The following BRIP1 variants were observed in gnomAD, a reference collection of about 807,000 sequenced individuals.
BRIP1 encodes BRCA1 interacting DNA helicase 1.
A neutral mutation model predicts 119.7 loss-of-function variants in BRIP1; 88 were observed. The ratio of observed to expected loss-of-function variants is 0.74; its 90% CI spans 0.62 to 0.88. BRIP1 has a LOEUF of 0.88. BRIP1 is among the 40% of genes least tolerant of loss of function. The pLI, the probability that BRIP1 is intolerant of heterozygous loss-of-function variation, is 0.00. For synonymous variants in BRIP1, 443 were observed against 496.5 expected (o/e 0.89, Z 1.43); for missense variants, 1,259 against 1,455.4 (o/e 0.87, Z 2.20).
Position 61,831,901 on chromosome 17 carries a change from A to T in BRIP1, c.627+15200T>A, listed in dbSNP as rs561482100. 3.9e-5 allele frequency among the ~76,000 whole-genome samples: 6 copies of T among 152,346 alleles called. No homozygotes were observed. In the South Asian group the frequency reaches 1.0e-3, roughly 26 times the overall value. ...ACTGGATGTATTGGTATAAACACTC[A>T]TAATTTTCAGTGTACAGACAGACAG... On this transcript the variant is annotated intron_variant, in intron 6 of 19. Transcript: ENST00000259008. The surrounding 1 kb of genome is among the most constrained non-coding windows in gnomAD (Gnocchi z 4.1).
intron 14 of BRIP1, among the ~76,000 whole-genome samples, chr17:61,771,041 T>C (rs2077440594): frequency 6.6e-6 from 1 of 152,222 alleles, no homozygotes; most frequent in Admixed American, 6.5e-5. Context: ...AGACACACTT[T>C]AAATTTAGAC....
Position 61,693,772 on chromosome 17 carries a change from T to G in BRIP1, c.2493-260A>C, listed in dbSNP as rs1398281050. Reference sequence around the variant, plus strand: ...TTGCACTCAAGAAAATTATAGAAAATATATTCTAAGATCTTTCTTAGCCAC... The same window carrying G: ...TTGCACTCAAGAAAATTATAGAAAAGATATTCTAAGATCTTTCTTAGCCAC... On this transcript the variant is annotated intron_variant, in intron 17 of 19. Transcript: ENST00000259008. This position sits in a 1 kb window ranked among gnomAD's most constrained non-coding sequence, Gnocchi z 4.2. Among the ~76,000 whole-genome samples, 1 of 152,128 alleles carries G rather than the reference T, an allele frequency of 6.6e-6. No individual in the cohort carries two copies. Among genetic ancestry groups the G allele is most frequent in the Non-Finnish European group, 1.5e-5 (1 of 68,006 alleles).
rs1053485773 is a variant in BRIP1, at chr17:61,690,818, G to A, written c.2575+2612C>T. Among the ~76,000 whole-genome samples, 2 of 152,070 alleles carry A rather than the reference G, an allele frequency of 1.3e-5. No individual in the cohort carries two copies. The highest frequency in any genetic ancestry group is 4.2e-4 in the South Asian group (2 of 4,816). On this transcript the variant is annotated intron_variant, in intron 18 of 19. Coordinates refer to ENST00000259008, the MANE Select transcript of BRIP1 (RefSeq NM_032043.3). The surrounding 1 kb of genome is among the most constrained non-coding windows in gnomAD (Gnocchi z 5.6). ...CTAAAGATTGAAAAAAAACCTGTTA[G>A]GACTAATAAATCCAGTAAAGTTGCA...
In BRIP1 at chr17:61,762,044, T is replaced by C. The variant is rs935945940; in HGVS notation, c.2097+14357A>G. On this transcript the variant is annotated intron_variant, in intron 14 of 19. Coordinates refer to ENST00000259008, the MANE Select transcript of BRIP1 (RefSeq NM_032043.3). This position sits in a 1 kb window ranked among gnomAD's most constrained non-coding sequence, Gnocchi z 4.3. ...CTATAGTAATTAAAACAGCATGGTA[T>C]TGGCATAAAAAACAGCCACAGTGAC... Among the ~76,000 whole-genome samples the C allele has an allele frequency of 6.6e-6, 1 of 151,992 alleles. No individual in the cohort carries two copies. The highest frequency in any genetic ancestry group is 1.5e-5 in the Non-Finnish European group (1 of 67,948).
rs2061894686 is a variant in BRIP1, at chr17:61,717,302, A to G, written c.2380-1239T>C. ...AAGATTATCTTTTAAAATATACCGT[A>G]TTTACCCACAGATTTACCATTTCTG... is the stretch of plus-strand genomic sequence containing the variant. On this transcript the variant is annotated intron_variant, in intron 16 of 19. Coordinates refer to ENST00000259008, the MANE Select transcript of BRIP1 (RefSeq NM_032043.3). This position sits in a 1 kb window ranked among gnomAD's most constrained non-coding sequence, Gnocchi z 4.1. Among the ~76,000 whole-genome samples, 1 of 152,082 alleles carries G rather than the reference A, an allele frequency of 6.6e-6. No homozygotes were observed. Among genetic ancestry groups the G allele is most frequent in the South Asian group, 2.1e-4 (1 of 4,822 alleles).
chr17:61,724,605 T>C lies in BRIP1; in HGVS notation c.2380-8542A>G, dbSNP rs1005991506. On this transcript the variant is annotated intron_variant, in intron 16 of 19. Coordinates refer to ENST00000259008, the MANE Select transcript of BRIP1 (RefSeq NM_032043.3). The surrounding 1 kb of genome is among the most constrained non-coding windows in gnomAD (Gnocchi z 5.1). ...TTTTACTGCTGCTTCACATGAAAGA[T>C]GGTGGATTTTATCCCAACTCATACC... is the stretch of plus-strand genomic sequence containing the variant. 3.3e-5 allele frequency among the ~76,000 whole-genome samples: 5 copies of C among 152,146 alleles called. No homozygotes were observed. The highest frequency in any genetic ancestry group is 1.2e-4 in the African/African-American group (5 of 41,450).
rs2061383607 is a variant in BRIP1 at position 61,687,831 on chromosome 17, TC to T, written c.2576-1667del. Among the ~76,000 whole-genome samples the T allele has an allele frequency of 6.6e-6, 1 of 152,176 alleles. No individual in the cohort carries two copies. Among genetic ancestry groups the T allele is most frequent in the Non-Finnish European group, 1.5e-5 (1 of 68,020 alleles). Reference sequence around the variant, plus strand: ...CTTCAGAATATACCTGGCTGCTTCTTCCTGGGGAGAAAAGAGAAAACTGGAC... The same window carrying T: ...CTTCAGAATATACCTGGCTGCTTCTTCTGGGGAGAAAAGAGAAAACTGGAC... On this transcript the variant is annotated intron_variant, in intron 18 of 19. Transcript: ENST00000259008. The surrounding 1 kb of genome is among the most constrained non-coding windows in gnomAD (Gnocchi z 5.1).
rs548039809 is a variant in BRIP1, at chr17:61,700,575, C to A, written c.2493-7063G>T. On this transcript the variant is annotated intron_variant, in intron 17 of 19. Coordinates refer to ENST00000259008, the MANE Select transcript of BRIP1 (RefSeq NM_032043.3). The surrounding 1 kb of genome is among the most constrained non-coding windows in gnomAD (Gnocchi z 4.1). ...ATATGATGAGTTATTTCTCTCTTGC[C>A]GCTTTCTAGATTCTGTCTTCTGGCT... Among the ~76,000 whole-genome samples the A allele has an allele frequency of 6.6e-6, 1 of 152,000 alleles. No individual in the cohort carries two copies. Among genetic ancestry groups the A allele is most frequent in the South Asian group, 2.1e-4 (1 of 4,818 alleles).
intron 4 of BRIP1, 120 bp from the exon 5 acceptor site, chr17:61,849,376 A>G: frequency 1.2e-6 from 1 of 817,916 alleles, no homozygotes; most frequent in South Asian, 1.7e-5. Flanking sequence ...ATAATCTAAA[A>G]CATGAAACTT....
At chr17:61,723,667 CT>C (rs1386319853) in intron 16 of BRIP1, among the ~76,000 whole-genome samples, 1 of 152,144 alleles carries the variant, frequency 6.6e-6, no homozygotes, top group Non-Finnish European at 1.5e-5. Flanking sequence ...GTTAACATTA[CT>C]TTTCAAATAC....
intron 5 of BRIP1, 42 bp downstream of exon 5, chr17:61,849,087 T>C (rs768063113): frequency 6.2e-7 from 1 of 1,607,322 alleles, no homozygotes; most frequent in Non-Finnish European, 8.5e-7. Context: ...CATGTTCAGC[T>C]GTAACTAACT....
Position 61,683,037 on chromosome 17 carries a change from CA to C in BRIP1, c.*258del. Reference sequence around the variant, plus strand: ...GTCCCAGCTACTCAGAAGGCTGAGGCAGGAGAATCACTTGAACCTGGAGGTG... The same window carrying C: ...GTCCCAGCTACTCAGAAGGCTGAGGCGGAGAATCACTTGAACCTGGAGGTG... On this transcript the variant is annotated 3_prime_UTR_variant, in exon 20 of 20. Transcript: ENST00000259008. The surrounding 1 kb of genome is among the most constrained non-coding windows in gnomAD (Gnocchi z 4.7). The C allele has an allele frequency of 2.3e-6, 1 of 427,202 alleles. No individual in the cohort carries two copies. Among genetic ancestry groups the C allele is most frequent in the Non-Finnish European group, 4.2e-6 (1 of 237,064 alleles). 26.5% of individuals were successfully genotyped at this position (427,202 alleles called of 1,614,324 possible).
intron 19 of BRIP1, chr17:61,685,018 T>A (rs1378563168): frequency 6.6e-6 from 1 of 152,154 alleles, no homozygotes; most frequent in Non-Finnish European, 1.5e-5. Context: ...GATATATGAA[T>A]TAAAACAACT....
rs542936626 is a variant in BRIP1 at position 61,704,762 on chromosome 17, G to A, written c.2492+11189C>T. On this transcript the variant is annotated intron_variant, in intron 17 of 19. Coordinates refer to ENST00000259008, the MANE Select transcript of BRIP1 (RefSeq NM_032043.3). This position sits in a 1 kb window ranked among gnomAD's most constrained non-coding sequence, Gnocchi z 5.7. ...CAAATGTATATGTATAGAGTTTTTC[G>A]TAGTATTCTCATATTATTCTTTTAA... Among the ~76,000 whole-genome samples the A allele has an allele frequency of 1.6e-4, 24 of 151,970 alleles. No homozygotes were observed. Among genetic ancestry groups the A allele is most frequent in the Admixed American group, 3.9e-4 (6 of 15,266 alleles).
In BRIP1 at chr17:61,710,218, C is replaced by T. The variant is rs2061750491; in HGVS notation, c.2492+5733G>A. On this transcript the variant is annotated intron_variant, in intron 17 of 19. Transcript: ENST00000259008. The surrounding 1 kb of genome is among the most constrained non-coding windows in gnomAD (Gnocchi z 5.4). Reference sequence around the variant, plus strand: ...GTATTATATATCAATACTATAAATACATGATTTTTATGATATTCCAGGAAA... The same window carrying T: ...GTATTATATATCAATACTATAAATATATGATTTTTATGATATTCCAGGAAA... Among the ~76,000 whole-genome samples, 1 of 151,954 alleles carries T rather than the reference C, an allele frequency of 6.6e-6. No individual in the cohort carries two copies. Among genetic ancestry groups the T allele is most frequent in the Non-Finnish European group, 1.5e-5 (1 of 68,002 alleles).
chr17:61,765,410 T>G (rs2077350505), intron 14 of BRIP1, among the ~76,000 whole-genome samples: 1 of 17,370 alleles, frequency 5.8e-5, no homozygotes, highest in African/African-American at 2.5e-4. Context: ...TATATATATA[T>G]ATATATATAT....
In BRIP1 at chr17:61,743,189, C is replaced by A; in HGVS notation, c.2258-55G>T. Reference sequence around the variant, plus strand: ...ATTCTCAGAAATTGCTTATTCTTGTCATTTTGAAAATACCTGATTTATAAT... The same window carrying A: ...ATTCTCAGAAATTGCTTATTCTTGTAATTTTGAAAATACCTGATTTATAAT... On this transcript the variant is annotated intron_variant, in intron 15 of 19. Transcript: ENST00000259008. The surrounding 1 kb of genome is among the most constrained non-coding windows in gnomAD (Gnocchi z 4.3). The A allele has an allele frequency of 1.3e-6, 2 of 1,579,542 alleles. No individual in the cohort carries two copies. Among genetic ancestry groups the A allele is most frequent in the South Asian group, 1.1e-5 (1 of 89,866 alleles).
chr17:61,719,618 G>T (rs933399481), intron 16 of BRIP1, among the ~76,000 whole-genome samples: 1 of 151,714 alleles, frequency 6.6e-6, no homozygotes, highest in Non-Finnish European at 1.5e-5. Context: ...CCAGCTACTC[G>T]GGAGGCTGAG....
chr17:61,802,361 G>A lies in BRIP1; in HGVS notation c.919-887C>T, dbSNP rs1408316560. On this transcript the variant is annotated intron_variant, in intron 7 of 19. Coordinates refer to ENST00000259008, the MANE Select transcript of BRIP1 (RefSeq NM_032043.3). This position sits in a 1 kb window ranked among gnomAD's most constrained non-coding sequence, Gnocchi z 6.0. ...AATGGTCCTAGCTACTCAGGAAGCT[G>A]AGGCAGGAGGATCACTTCAGCCCAG... Among the ~76,000 whole-genome samples, 1 of 152,120 alleles carries A rather than the reference G, an allele frequency of 6.6e-6. No homozygotes were observed. The highest frequency in any genetic ancestry group is 2.4e-5 in the African/African-American group (1 of 41,432).
Sources: gnomAD v4.1 joint callset for allele counts (sites outside exome capture counted in the v4.1 genomes callset) on GRCh38, gnomAD v4.1.1 for gene constraint, Gnocchi (gnomAD v3.1) non-coding constraint, MANE v1.5 for transcripts, NCBI Gene and HGNC (gene_info 2026-07-23, HGNC 2026-07-21) for gene names.